The following ZMYM1 variants were observed in gnomAD, a reference collection of about 807,000 sequenced individuals.
ZMYM1 encodes the protein zinc finger MYM-type containing 1.
ZMYM1 carries 39 observed loss-of-function variants against 60.0 expected under a neutral mutation model. The ratio of observed to expected loss-of-function variants is 0.65; its 90% CI spans 0.50 to 0.85. The LOEUF (loss-of-function observed/expected upper bound fraction) is 0.85. Among genes scored for constraint, ZMYM1 ranks in the 40% least tolerant of loss-of-function variants. The pLI is 0.00. For synonymous variants in ZMYM1, 413 were observed against 454.0 expected, an observed-to-expected ratio of 0.91 and a Z score of 1.15; for missense variants, 1,171 against 1,309.5, an observed-to-expected ratio of 0.89 and a Z score of 1.63.
At position 35,088,454 on chromosome 1, in the gene ZMYM1, A is replaced by ATATATG. The variant is rs1464546786; in HGVS notation, c.-74-5459_-74-5458insATATGT. ...TATGTGTATATATATATATATATAT[A>ATATATG]TGTGTGTGTGTGTGTGTGTGTGTGT... On this transcript the variant is annotated intron_variant, in intron 1 of 9. Transcript: ENST00000359858. Among the ~76,000 whole-genome samples, 493 of 107,222 alleles carry ATATATG rather than the reference A, an allele frequency of 4.6e-3. 4 individuals carry two copies. Among genetic ancestry groups the ATATATG allele is most frequent in the African/African-American group, 6.9e-3 (162 of 23,482 alleles). 70.3% of individuals were successfully genotyped at this position (107,222 alleles called of 152,430 possible). A position where few individuals can be genotyped will look rare whatever the true frequency, so the allele number is the denominator to read the frequency against.
At chr1:35,082,897 C>T (rs1642464931) in intron 1 of ZMYM1, among the ~76,000 whole-genome samples, 1 of 151,916 alleles carries the variant, frequency 6.6e-6, no homozygotes, top group African/African-American at 2.4e-5. Context: ...AGGAGAATCA[C>T]TTGAACCCGG....
At chr1:35,101,034 C>T (rs901518857) in intron 4 of ZMYM1, among the ~76,000 whole-genome samples, 1 of 151,682 alleles carries the variant, frequency 6.6e-6, no homozygotes, top group Non-Finnish European at 1.5e-5. Flanking sequence ...AACTCCTGGG[C>T]TCAAGTGATC....
Position 35,112,981 on chromosome 1 carries a change from C to T in ZMYM1, c.1151C>T (p.Ser384Phe). ...TTTTCTCATTTTCTCCCAAAGCTTTCTAAGAGTTCACCTAGTGAACCCAGT... is the reference window on the plus strand; with the variant it reads ...TTTTCTCATTTTCTCCCAAAGCTTTTTAAGAGTTCACCTAGTGAACCCAGT... ...TATADVIVDL[S>F]KSSPSEPSNA... Residue 384 changes from serine (S) to phenylalanine (F), a missense_variant, in exon 10 of 10, where the codon TCT becomes TTT. Transcript: ENST00000359858. 1 of 1,533,580 alleles carries T rather than the reference C, an allele frequency of 6.5e-7. No homozygotes were observed. Among genetic ancestry groups the T allele is most frequent in the Non-Finnish European group, 8.7e-7 (1 of 1,144,152 alleles). The allele number at this position is 1,533,580 out of a possible 1,614,324, so 95.0% of individuals were successfully genotyped here. A position where few individuals can be genotyped will look rare whatever the true frequency, so the allele number is the denominator to read the frequency against.
chr1:35,108,654 G>A (rs928231221), intron 6 of ZMYM1, among the ~76,000 whole-genome samples: 1 of 150,292 alleles, frequency 6.7e-6, no homozygotes, highest in Non-Finnish European at 1.5e-5. Context: ...TGCCCAGCCT[G>A]TCTGTGTACT....
intron 1 of ZMYM1, among the ~76,000 whole-genome samples, chr1:35,062,512 C>G (rs1166299475): frequency 6.6e-6 from 1 of 152,194 alleles, no homozygotes; most frequent in Non-Finnish European, 1.5e-5. Flanking sequence ...AATTATTGGG[C>G]TCCCTTTGAA....
At chr1:35,061,232 C>T (rs770373105) in intron 1 of ZMYM1, among the ~76,000 whole-genome samples, 5 of 152,196 alleles carry the variant, frequency 3.3e-5, no homozygotes, top group Non-Finnish European at 7.4e-5. Flanking sequence ...CCAGGCACCA[C>T]GCTGGGTGCT....
At chr1:35,103,412 T>G (rs926929099) in intron 4 of ZMYM1, among the ~76,000 whole-genome samples, 9 of 152,212 alleles carry the variant, frequency 5.9e-5, no homozygotes, top group African/African-American at 7.2e-5. Flanking sequence ...CAGTGACTTT[T>G]TGTGTCTGGT....
rs1644212383 is a variant in ZMYM1 at position 35,114,753 on chromosome 1, ATATTACAAAATT to A, written c.2926_2937del (p.Leu976_Leu979del). 1.3e-6 allele frequency: 2 copies of A among 1,588,882 alleles called. No homozygotes were observed. Among genetic ancestry groups the A allele is most frequent in the Non-Finnish European group, 1.7e-6 (2 of 1,165,340 alleles). On this transcript the variant is annotated inframe_deletion, in exon 10 of 10. Coordinates refer to ENST00000359858, the MANE Select transcript of ZMYM1 (RefSeq NM_024772.5). ...TATCTATTACCAAGGATTAGATACTATATTACAAAATTTAAAGTTATGTTTTTCGGAGTTTGA... is the reference window on the plus strand; with the variant it reads ...TATCTATTACCAAGGATTAGATACTATAAAGTTATGTTTTTCGGAGTTTGA...
At chr1:35,091,581 A>G (rs774535873) in intron 1 of ZMYM1, among the ~76,000 whole-genome samples, 1 of 152,038 alleles carries the variant, frequency 6.6e-6, no homozygotes, top group Non-Finnish European at 1.5e-5. Flanking sequence ...AAAACAGCCC[A>G]TAGGTGATAG....
chr1:35,079,114 C>T (rs1642233027), upstream of ZMYM1: 1 of 152,312 alleles, frequency 6.6e-6, no homozygotes, highest in Admixed American at 6.5e-5. Context: ...TAGCACACAG[C>T]TAATAAGTAG....
intron 1 of ZMYM1, among the ~76,000 whole-genome samples, chr1:35,090,196 G>A (rs962710890): frequency 6.6e-6 from 1 of 151,974 alleles, no homozygotes; most frequent in African/African-American, 2.4e-5. Context: ...GTGAGCCACC[G>A]AGCCTGGCCT....
chr1:35,102,718 T>C (rs1418699519), intron 4 of ZMYM1, among the ~76,000 whole-genome samples: 1 of 152,188 alleles, frequency 6.6e-6, no homozygotes, highest in Non-Finnish European at 1.5e-5. Flanking sequence ...AGTAAAAATG[T>C]TTTCCATGAA....
chr1:35,077,894 G>C (rs1422943541), upstream of ZMYM1, among the ~76,000 whole-genome samples: 1 of 152,200 alleles, frequency 6.6e-6, no homozygotes, highest in Non-Finnish European at 1.5e-5. Context: ...TAAATGGACT[G>C]TGTTTAGGTA....
At chr1:35,086,971 C>T (rs1478688485) in intron 1 of ZMYM1, among the ~76,000 whole-genome samples, 2 of 150,368 alleles carry the variant, frequency 1.3e-5, no homozygotes, top group East Asian at 3.9e-4. Context: ...GCATGAGCCA[C>T]CGCACCCAGC....
At chr1:35,090,475 T>C (rs1177878980) in intron 1 of ZMYM1, among the ~76,000 whole-genome samples, 2 of 152,152 alleles carry the variant, frequency 1.3e-5, no homozygotes, top group African/African-American at 4.8e-5. Flanking sequence ...CCATGGCATG[T>C]GTATACCTAT....
rs1165727223 is a variant in ZMYM1, at chr1:35,114,090, A to G, written c.2260A>G (p.Ile754Val). ...TTATGCACACTTTTTGGATTTATCA[A>G]TAATTAGGTTTTGTAAAGAAGTAAA... ...HCYAHFLDLS[I>V]IRFCKEVKEL... is the part of the protein sequence containing the mutation. Residue 754 changes from isoleucine (I) to valine (V), a missense_variant, in exon 10 of 10, where the codon ATA becomes GTA. Physicochemically the swap from Ile to Val is conservative, Grantham distance 29. Transcript: ENST00000359858. 3.1e-6 allele frequency: 5 copies of G among 1,612,590 alleles called. No individual in the cohort carries two copies. In the East Asian group the frequency reaches 6.7e-5, roughly 22 times the overall value.
Position 35,113,444 on chromosome 1 carries a change from C to T in ZMYM1, c.1614C>T (p.Asp538=), listed in dbSNP as rs765893114. The T allele has an allele frequency of 8.1e-6, 13 of 1,613,582 alleles. No homozygotes were observed. The highest frequency in any genetic ancestry group is 2.7e-5 in the African/African-American group (2 of 74,966). Residue 538 remains aspartate, a synonymous_variant, in exon 10 of 10, where the codon GAC becomes GAT. Transcript: ENST00000359858. The part of the protein sequence containing the change: ...EYQFCDGAVS[D]DLSIHSKQIE... ...AATTTTGTGATGGAGCTGTCAGTGACGATTTATCTATTCATTCGAAACAGA... is the reference window on the plus strand; with the variant it reads ...AATTTTGTGATGGAGCTGTCAGTGATGATTTATCTATTCATTCGAAACAGA...
rs553463027 is a variant in ZMYM1, at chr1:35,068,281, T to C, written c.-301+8356T>C. Among the ~76,000 whole-genome samples, 9 of 151,672 alleles carry C rather than the reference T, an allele frequency of 5.9e-5. No individual in the cohort carries two copies. In the South Asian group the frequency reaches 1.9e-3, roughly 32 times the overall value. On this transcript the variant is annotated intron_variant, in intron 1 of 10. Transcript: ENST00000417119. Reference sequence around the variant, plus strand: ...TAAAAATACAAAAATTATCCAGGTGTGGTGTCAGGCGCCTGTAGTCCCAGC... The same window carrying C: ...TAAAAATACAAAAATTATCCAGGTGCGGTGTCAGGCGCCTGTAGTCCCAGC...
chr1:35,070,297 T>C (rs894111380), intron 1 of ZMYM1, among the ~76,000 whole-genome samples: 2 of 152,140 alleles, frequency 1.3e-5, no homozygotes, highest in African/African-American at 4.8e-5. Context: ...TGTAGAGATC[T>C]TTCACCACCT....
Sources: gnomAD v4.1 joint callset for allele counts (sites outside exome capture counted in the v4.1 genomes callset) on GRCh38, gnomAD v4.1.1 for gene constraint, MANE v1.5 for transcripts, NCBI Gene and HGNC (gene_info 2026-07-23, HGNC 2026-07-21) for gene names.